FHOD3: variants seen among roughly 807,000 people sequenced by gnomAD.
FHOD3 encodes formin homology 2 domain containing 3.
In FHOD3, 90 loss-of-function variants were observed where a neutral mutation model predicts 173.0. That is an observed-to-expected ratio of 0.52 (90% CI 0.44 to 0.62). FHOD3 has a LOEUF of 0.62. FHOD3 is among the 20% of genes least tolerant of loss of function. FHOD3 has a pLI of 0.00. For missense variants in FHOD3, 1,945 were observed against 2,034.7 expected (o/e 0.96, Z 0.85); for synonymous variants, 828 against 823.0 (o/e 1.01, Z -0.10).
chr18:36,366,143 G>A (rs955677151), intron 2 of FHOD3, among the ~76,000 whole-genome samples: 2 of 152,162 alleles, frequency 1.3e-5, no homozygotes, highest in African/African-American at 2.4e-5. Flanking sequence ...AAATTAAAAT[G>A]CTACATCATG....
At chr18:36,571,622 C>T (rs1234633056) in intron 5 of FHOD3, among the ~76,000 whole-genome samples, 1 of 152,200 alleles carries the variant, frequency 6.6e-6, no homozygotes, top group Non-Finnish European at 1.5e-5. Flanking sequence ...TTAACATTTA[C>T]TCTAAAGCTA....
intron 18 of FHOD3, among the ~76,000 whole-genome samples, chr18:36,712,405 A>T (rs534720171): frequency 6.6e-6 from 1 of 152,224 alleles, no homozygotes; most frequent in East Asian, 1.9e-4. Context: ...TATCTCAGCA[A>T]AGAAATAAAA....
chr18:36,602,578 A>G (rs2148486515), intron 7 of FHOD3, 96 bp from the exon 8 acceptor site: 3 of 919,628 alleles, frequency 3.3e-6, no homozygotes, highest in Non-Finnish European at 5.4e-6. Context: ...AGACGCTGCC[A>G]TCACTGGATA....
intron 15 of FHOD3, among the ~76,000 whole-genome samples, chr18:36,681,997 A>AT (rs2038278266): frequency 6.6e-6 from 1 of 152,136 alleles, no homozygotes; most frequent in South Asian, 2.1e-4. Flanking sequence ...AATCTTCAAT[A>AT]TTTTTTGTAA....
At chr18:36,583,834 T>C (rs1045940879) in intron 6 of FHOD3, among the ~76,000 whole-genome samples, 2 of 151,578 alleles carry the variant, frequency 1.3e-5, no homozygotes, top group African/African-American at 2.4e-5. Context: ...ATTACTATTA[T>C]TATTATTTTG....
At chr18:36,616,852 A>G (rs1380304140) in intron 9 of FHOD3, among the ~76,000 whole-genome samples, 1 of 152,246 alleles carries the variant, frequency 6.6e-6, no homozygotes, top group Non-Finnish European at 1.5e-5. Flanking sequence ...TAATAATTTC[A>G]AGAATATAGC....
intron 28 of FHOD3, chr18:36,779,160 TCTC>T (rs2150496352): frequency 4.4e-6 from 2 of 449,530 alleles, no homozygotes; most frequent in East Asian, 3.7e-5. Context: ...AGGGTGAGCC[TCTC>T]CTCCTTTCTC....
chr18:36,386,631 A>C (rs964099719), intron 3 of FHOD3, among the ~76,000 whole-genome samples: 1 of 152,184 alleles, frequency 6.6e-6, no homozygotes, highest in African/African-American at 2.4e-5. Context: ...GAGATGGTGC[A>C]CAAATTGCCT....
At chr18:36,757,185 G>C (rs549114649) in intron 25 of FHOD3, among the ~76,000 whole-genome samples, 2 of 152,168 alleles carry the variant, frequency 1.3e-5, no homozygotes, top group Admixed American at 1.3e-4. Context: ...TGTTTCTAGA[G>C]TTTGATTCAA....
intron 5 of FHOD3, among the ~76,000 whole-genome samples, chr18:36,574,961 CTTTTTTCTCTTTTT>C (rs1230914215): frequency 3.3e-5 from 5 of 150,478 alleles, no homozygotes; most frequent in Non-Finnish European, 7.4e-5. Context: ...TTTTCTTTTT[CTTTTTTCTCTTTTT>C]TTTTTTCTTT....
chr18:36,547,069 A>G (rs2057439767), intron 5 of FHOD3, among the ~76,000 whole-genome samples: 1 of 152,162 alleles, frequency 6.6e-6, no homozygotes, highest in Admixed American at 6.5e-5. Context: ...CCCCCTGGGA[A>G]GGTCCTGCAT....
intron 14 of FHOD3, among the ~76,000 whole-genome samples, chr18:36,671,473 C>G (rs1455580390): frequency 6.6e-6 from 1 of 152,222 alleles, no homozygotes; most frequent in Non-Finnish European, 1.5e-5. Context: ...GTTCCTGTTA[C>G]TCCAAATGGA....
At chr18:36,467,134 A>T (rs1237182349) in intron 3 of FHOD3, among the ~76,000 whole-genome samples, 2 of 152,090 alleles carry the variant, frequency 1.3e-5, no homozygotes, top group Non-Finnish European at 2.9e-5. Context: ...GGTGGACAGG[A>T]TGGTGCACTC....
chr18:36,668,648 T>C (rs2037337871), intron 14 of FHOD3, among the ~76,000 whole-genome samples: 1 of 152,058 alleles, frequency 6.6e-6, no homozygotes, highest in Non-Finnish European at 1.5e-5. Flanking sequence ...GTATTGCTTT[T>C]GCTGCATTCC....
chr18:36,447,633 C>T (rs1429125036), intron 3 of FHOD3, among the ~76,000 whole-genome samples: 2 of 152,190 alleles, frequency 1.3e-5, no homozygotes, highest in Admixed American at 1.3e-4. Flanking sequence ...GCTCCAGCCT[C>T]AGGAAGTACC....
At chr18:36,609,476 A>G (rs528637876) in intron 8 of FHOD3, among the ~76,000 whole-genome samples, 272 of 152,284 alleles carry the variant, frequency 1.8e-3, no homozygotes, top group Middle Eastern at 3.4e-3. Flanking sequence ...CAGCCTGCAT[A>G]AAAGGTGATA....
Position 36,368,808 on chromosome 18 carries a change from G to A in FHOD3, c.273-3872G>A, listed in dbSNP as rs768150267. 3.0e-4 allele frequency among the ~76,000 whole-genome samples: 45 copies of A among 151,982 alleles called. 1 individual carries two copies. Among genetic ancestry groups the A allele is most frequent in the Non-Finnish European group, 1.0e-4 (7 of 67,986 alleles). ...TGAGAGTGAGTGAGAAAGCAAAGTG[G>A]GAAGAGCCCCTTATAAAACCATCAG... On this transcript the variant is annotated intron_variant, in intron 2 of 28. Coordinates refer to ENST00000590592, the MANE Select transcript of FHOD3 (RefSeq NM_001281740.3).
chr18:36,489,294 G>C (rs986564406), intron 3 of FHOD3, among the ~76,000 whole-genome samples: 1 of 152,150 alleles, frequency 6.6e-6, no homozygotes, highest in Non-Finnish European at 1.5e-5. Context: ...CCAGTAGGGG[G>C]GTGAGTAGGG....
intron 5 of FHOD3, among the ~76,000 whole-genome samples, chr18:36,556,429 T>C (rs1299568396): frequency 1.3e-5 from 2 of 152,158 alleles, no homozygotes; most frequent in African/African-American, 2.4e-5. Flanking sequence ...GACCCAACTA[T>C]GGAACTTGAG....
Sources: gnomAD v4.1 joint callset for allele counts (sites outside exome capture counted in the v4.1 genomes callset) on GRCh38, gnomAD v4.1.1 for gene constraint, MANE v1.5 for transcripts, NCBI Gene and HGNC (gene_info 2026-07-23, HGNC 2026-07-21) for gene names.